Variants in TAOK1 observed in about 807,000 individuals in gnomAD.
TAOK1 encodes the protein TAO kinase 1.
TAOK1 carries 21 observed loss-of-function variants against 138.3 expected under a neutral mutation model. That is an observed-to-expected ratio of 0.15 (90% CI 0.11 to 0.22). The LOEUF is 0.22. Ranked by LOEUF, TAOK1 falls within the 10% of genes least tolerant of loss-of-function variation. The probability of loss-of-function intolerance (pLI) is 1.00; values close to 1 mark genes in which losing one functional copy is unlikely to be tolerated. For missense variants in TAOK1, 651 were observed against 1,227.7 expected, an observed-to-expected ratio of 0.53 and a Z score of 7.02; for synonymous variants, 361 against 398.4, an observed-to-expected ratio of 0.91 and a Z score of 1.12.
chr17:29,445,906 G>T (rs1418366008), intron 1 of TAOK1, among the ~76,000 whole-genome samples: 1 of 151,978 alleles, frequency 6.6e-6, no homozygotes, highest in Non-Finnish European at 1.5e-5. Context: ...AATGTTTAAT[G>T]AAATTTGATA....
At chr17:29,519,554 T>C (rs2031880353) in intron 16 of TAOK1, among the ~76,000 whole-genome samples, 1 of 151,974 alleles carries the variant, frequency 6.6e-6, no homozygotes, top group Non-Finnish European at 1.5e-5. Flanking sequence ...AAAATTATTC[T>C]CATTATTAGG....
chr17:29,400,757 G>C (rs1904813462), intron 1 of TAOK1, among the ~76,000 whole-genome samples: 1 of 152,064 alleles, frequency 6.6e-6, no homozygotes, highest in Admixed American at 6.6e-5. Context: ...CTCTAAGCCA[G>C]TGCTTTCAAA....
At position 29,447,373 on chromosome 17, in the gene TAOK1, C is replaced by T. The variant is rs182128709; in HGVS notation, c.-94-4082C>T. ...TTTGAGACAGGGTCTCGCTGTGTCA[C>T]CCAGACTGGAGGGCAATGGCACAGT... On this transcript the variant is annotated intron_variant, in intron 1 of 19. Coordinates refer to ENST00000261716, the MANE Select transcript of TAOK1 (RefSeq NM_020791.4). 1.9e-4 allele frequency among the ~76,000 whole-genome samples: 29 copies of T among 152,220 alleles called. 1 individual carries two copies. The highest frequency in any genetic ancestry group is 1.9e-3 in the Admixed American group (29 of 15,284).
chr17:29,519,641 T>A (rs2031881536), intron 16 of TAOK1, among the ~76,000 whole-genome samples: 1 of 152,176 alleles, frequency 6.6e-6, no homozygotes. Context: ...TTGTGCGAGT[T>A]TACTAATAAA....
At chr17:29,407,816 T>C (rs1905035970) in intron 1 of TAOK1, among the ~76,000 whole-genome samples, 1 of 152,124 alleles carries the variant, frequency 6.6e-6, no homozygotes, top group Non-Finnish European at 1.5e-5. Context: ...TTCTTAATCT[T>C]TTGCAAAAGT....
chr17:29,485,423 A>T (rs953782286), intron 8 of TAOK1, among the ~76,000 whole-genome samples: 3 of 150,820 alleles, frequency 2.0e-5, no homozygotes. Flanking sequence ...AATTGCTTAA[A>T]GCCAGAAGTT....
intron 17 of TAOK1, among the ~76,000 whole-genome samples, chr17:29,526,847 A>AT (rs2032019732): frequency 1.3e-5 from 2 of 149,750 alleles, no homozygotes; most frequent in Admixed American, 6.7e-5. Context: ...AAAAAAAAAA[A>AT]GCCAGGCACA....
chr17:29,420,872 G>T (rs371075639), intron 1 of TAOK1, among the ~76,000 whole-genome samples: 1 of 152,190 alleles, frequency 6.6e-6, no homozygotes, highest in South Asian at 2.1e-4. Flanking sequence ...GTGAGCCACC[G>T]CGCCCAGCCG....
At chr17:29,492,606 C>T (rs1203601992) in intron 10 of TAOK1, among the ~76,000 whole-genome samples, 3 of 150,758 alleles carry the variant, frequency 2.0e-5, no homozygotes, top group African/African-American at 7.3e-5. Flanking sequence ...TCCTGGCCAA[C>T]ATGCTGAAAC....
chr17:29,510,114 C>T (rs761236513), intron 14 of TAOK1, among the ~76,000 whole-genome samples: 1 of 151,692 alleles, frequency 6.6e-6, no homozygotes, highest in African/African-American at 2.4e-5. Context: ...TGGTGGCTCA[C>T]GCCTGTAATC....
chr17:29,432,774 CA>C (rs1290847475), intron 1 of TAOK1, among the ~76,000 whole-genome samples: 2 of 148,162 alleles, frequency 1.3e-5, no homozygotes, highest in African/African-American at 4.9e-5. Flanking sequence ...CACACCTGTC[CA>C]AATTTTTTTT....
chr17:29,487,549 G>A (rs2031199563), intron 8 of TAOK1, among the ~76,000 whole-genome samples: 1 of 152,072 alleles, frequency 6.6e-6, no homozygotes, highest in African/African-American at 2.4e-5. Flanking sequence ...AGAAATGATT[G>A]ATCCAGGGTC....
intron 17 of TAOK1, among the ~76,000 whole-genome samples, chr17:29,525,354 G>A (rs1188495424): frequency 1.3e-5 from 2 of 151,496 alleles, no homozygotes; most frequent in Non-Finnish European, 2.9e-5. Context: ...CTCGTGATCC[G>A]CCCGCCTCGG....
chr17:29,436,958 TA>T (rs1379261751), intron 1 of TAOK1, among the ~76,000 whole-genome samples: 3 of 152,196 alleles, frequency 2.0e-5, no homozygotes, highest in African/African-American at 4.8e-5. Flanking sequence ...GTTTGAGGTT[TA>T]AAACACTTGA....
At chr17:29,488,028 C>G (rs1028296713) in intron 8 of TAOK1, among the ~76,000 whole-genome samples, 1 of 152,150 alleles carries the variant, frequency 6.6e-6, no homozygotes, top group Non-Finnish European at 1.5e-5. Flanking sequence ...TAGCCTAACT[C>G]TAATAATAGG....
chr17:29,480,932 A>G (rs925930970), intron 7 of TAOK1, among the ~76,000 whole-genome samples: 2 of 151,526 alleles, frequency 1.3e-5, no homozygotes, highest in Non-Finnish European at 2.9e-5. Flanking sequence ...GAAGACATGA[A>G]TTAGTGATTA....
intron 1 of TAOK1, among the ~76,000 whole-genome samples, chr17:29,412,811 T>G (rs958595524): frequency 6.6e-6 from 1 of 152,204 alleles, no homozygotes; most frequent in African/African-American, 2.4e-5. Flanking sequence ...CATGAACCCA[T>G]ATAAATGTTG....
At chr17:29,437,402 T>TG (rs2153023130) in intron 1 of TAOK1, among the ~76,000 whole-genome samples, 1 of 152,126 alleles carries the variant, frequency 6.6e-6, no homozygotes, top group African/African-American at 2.4e-5. Flanking sequence ...TTCATCATGT[T>TG]GGCCAGGCTG....
rs1192058337 is a variant in TAOK1, at chr17:29,550,712, T to A, written c.*7690T>A. On this transcript the variant is annotated 3_prime_UTR_variant, in exon 20 of 20. Transcript: ENST00000261716. ...TTTTGTAACCCAGGTTGGTTTCTAC[T>A]TTTACCAGTCACCCAAACATATTTA... The A allele has an allele frequency of 1.3e-5, 2 of 152,224 alleles. No homozygotes were observed. The highest frequency in any genetic ancestry group is 4.8e-5 in the African/African-American group (2 of 41,466). 9.4% of individuals were successfully genotyped at this position (152,224 alleles called of 1,614,324 possible).
Sources: gnomAD v4.1 joint callset for allele counts (sites outside exome capture counted in the v4.1 genomes callset) on GRCh38, gnomAD v4.1.1 for gene constraint, MANE v1.5 for transcripts, NCBI Gene and HGNC (gene_info 2026-07-23, HGNC 2026-07-21) for gene names.